Variants in PPM1B observed in about 807,000 individuals in gnomAD.
The protein encoded by PPM1B is protein phosphatase, Mg2+/Mn2+ dependent 1B, also known as protein phosphatase 1B.
In PPM1B, 22 loss-of-function variants were observed where a neutral mutation model predicts 43.0. The ratio of observed to expected loss-of-function variants is 0.51; its 90% CI spans 0.37 to 0.73. PPM1B has a LOEUF of 0.73. Ranked by LOEUF, PPM1B falls within the 30% of genes least tolerant of loss-of-function variation. PPM1B has a pLI of 0.00. For synonymous variants in PPM1B, 217 were observed against 197.9 expected (o/e 1.10, Z -0.81); for missense variants, 632 against 584.2 (o/e 1.08, Z -0.84).
intron 1 of PPM1B, among the ~76,000 whole-genome samples, chr2:44,183,261 C>G (rs899822100): frequency 3.3e-5 from 5 of 152,230 alleles, no homozygotes; most frequent in African/African-American, 1.2e-4. Flanking sequence ...CCATCTTAGA[C>G]TGTCCCATGT....
At chr2:44,178,474 A>T (rs866489704) in intron 1 of PPM1B, among the ~76,000 whole-genome samples, 1,597 of 135,284 alleles carry the variant, frequency 0.012, 28 homozygotes, top group African/African-American at 0.039. Flanking sequence ...ATATATATAT[A>T]TTTTTTTTTT....
intron 1 of PPM1B, among the ~76,000 whole-genome samples, chr2:44,182,866 T>G (rs1053580891): frequency 2.0e-5 from 3 of 152,194 alleles, no homozygotes; most frequent in Non-Finnish European, 4.4e-5. Flanking sequence ...TTCTTAGCAG[T>G]TTTTCTTTAG....
chr2:44,213,341 C>G (rs1466363290), intron 3 of PPM1B, among the ~76,000 whole-genome samples: 1 of 128,626 alleles, frequency 7.8e-6, no homozygotes, highest in Non-Finnish European at 1.7e-5. Context: ...TGTTTTGATT[C>G]TTTTTTTTTT....
downstream of PPM1B, among the ~76,000 whole-genome samples, chr2:44,236,522 A>ATTTCT (rs1670628943): frequency 1.3e-5 from 2 of 152,008 alleles, no homozygotes; most frequent in Non-Finnish European, 2.9e-5. Flanking sequence ...GGTTTTTAAT[A>ATTTCT]ACAGGAGAAA....
chr2:44,233,330 G>A, downstream of PPM1B: 1 of 979,698 alleles, frequency 1.0e-6, no homozygotes, highest in South Asian at 4.7e-5. Context: ...CATGGGTTCA[G>A]TAACTTTTCA....
rs939489608 is a variant in PPM1B at position 44,205,319 on chromosome 2, T to C, written c.846+3274T>C. Among the ~76,000 whole-genome samples, 4 of 108,656 alleles carry C rather than the reference T, an allele frequency of 3.7e-5. No homozygotes were observed. In the South Asian group the frequency reaches 9.3e-4, roughly 25 times the overall value. 71.3% of individuals were successfully genotyped at this position (108,656 alleles called of 152,430 possible). On this transcript the variant is annotated intron_variant, in intron 2 of 5. Coordinates refer to ENST00000282412, the MANE Select transcript of PPM1B (RefSeq NM_002706.6). ...AACAATATTTCCCAGAAGGGCCTGA[T>C]AAAATAAAGAAGAGTGGGTGTGGGT...
chr2:44,174,997 A>G (rs557824262), intron 1 of PPM1B, among the ~76,000 whole-genome samples: 60 of 152,290 alleles, frequency 3.9e-4, no homozygotes, highest in African/African-American at 1.4e-3. Flanking sequence ...GCTCACGCCT[A>G]TAATCCTAGC....
chr2:44,226,948 A>G (rs1247274393), intron 5 of PPM1B, among the ~76,000 whole-genome samples: 1 of 138,060 alleles, frequency 7.2e-6, no homozygotes, highest in Non-Finnish European at 1.6e-5. Flanking sequence ...TTATTTATTT[A>G]TTTATTTATT....
At chr2:44,227,371 C>A (rs936631587) in intron 5 of PPM1B, among the ~76,000 whole-genome samples, 2 of 152,018 alleles carry the variant, frequency 1.3e-5, no homozygotes, top group African/African-American at 4.8e-5. Flanking sequence ...TTGGAAAATT[C>A]AAAGAAAATA....
intron 1 of PPM1B, among the ~76,000 whole-genome samples, chr2:44,185,538 A>G (rs905231197): frequency 1.4e-4 from 22 of 152,172 alleles, no homozygotes; most frequent in Admixed American, 9.2e-4. Context: ...GAGAGGGGTA[A>G]GTTACACTGT....
chr2:44,229,886 A>G, intron 5 of PPM1B: 1 of 1,070,484 alleles, frequency 9.3e-7, no homozygotes, highest in Non-Finnish European at 1.3e-6. Flanking sequence ...TTTTATCAAA[A>G]TAAGAGCAAA....
intron 5 of PPM1B, among the ~76,000 whole-genome samples, chr2:44,224,416 C>T (rs1326381442): frequency 7.4e-6 from 1 of 135,334 alleles, no homozygotes; most frequent in Non-Finnish European, 1.5e-5. Context: ...AATCGTGCCA[C>T]TGCACTCCAG....
chr2:44,211,629 C>G (rs1268053933), intron 3 of PPM1B, among the ~76,000 whole-genome samples: 1 of 151,626 alleles, frequency 6.6e-6, no homozygotes, highest in Admixed American at 6.6e-5. Flanking sequence ...TGGGGAGGCA[C>G]TTTGAGATTG....
chr2:44,174,274 C>T (rs1306618162), intron 1 of PPM1B, among the ~76,000 whole-genome samples: 1 of 152,156 alleles, frequency 6.6e-6, no homozygotes, highest in African/African-American at 2.4e-5. Context: ...TGTTTTGCAT[C>T]CTTGTGAACA....
At chr2:44,196,858 A>G (rs1668685479) in intron 1 of PPM1B, among the ~76,000 whole-genome samples, 1 of 152,146 alleles carries the variant, frequency 6.6e-6, no homozygotes, top group African/African-American at 2.4e-5. Flanking sequence ...ATTTCCAATT[A>G]TTATATAATC....
At chr2:44,209,402 C>A in intron 3 of PPM1B, 75 bp downstream of exon 3, 2 of 1,486,922 alleles carry the variant, frequency 1.3e-6, no homozygotes, top group South Asian at 2.6e-5. Flanking sequence ...GCACTTTTGT[C>A]GCCTGGGCGA....
At chr2:44,185,694 A>G (rs1019633865) in intron 1 of PPM1B, among the ~76,000 whole-genome samples, 1 of 152,144 alleles carries the variant, frequency 6.6e-6, no homozygotes, top group African/African-American at 2.4e-5. Flanking sequence ...TCTAATGTAG[A>G]GCTATAGTTT....
In PPM1B at chr2:44,201,397, A is replaced by C; in HGVS notation, c.198A>C (p.Arg66=). ...TTTATGATGGTCATGCTGGATCCCG[A>C]GTGGCAAATTACTGCTCAACACATT... ...FAVYDGHAGS[R]VANYCSTHLL... is the part of the protein sequence containing the mutation. The change falls in exon 2 of 6, where the codon CGA becomes CGC. Residue 66 remains arginine (R), a synonymous_variant. Coordinates refer to ENST00000282412, the MANE Select transcript of PPM1B (RefSeq NM_002706.6). The surrounding 1 kb of genome is among the most constrained non-coding windows in gnomAD (Gnocchi z 5.4). 6.2e-7 allele frequency: 1 copy of C among 1,614,126 alleles called. No homozygotes were observed. Among genetic ancestry groups the C allele is most frequent in the Non-Finnish European group, 8.5e-7 (1 of 1,179,998 alleles).
At chr2:44,186,796 T>C (rs1182987026) in intron 1 of PPM1B, among the ~76,000 whole-genome samples, 2 of 152,238 alleles carry the variant, frequency 1.3e-5, no homozygotes, top group East Asian at 3.8e-4. Context: ...TGATGAGAAG[T>C]CTCGTGCTAT....
Sources: gnomAD v4.1 joint callset for allele counts (sites outside exome capture counted in the v4.1 genomes callset) on GRCh38, gnomAD v4.1.1 for gene constraint, Gnocchi (gnomAD v3.1) non-coding constraint, MANE v1.5 for transcripts, NCBI Gene and HGNC (gene_info 2026-07-23, HGNC 2026-07-21) for gene names.